The following ROBO2 variants were observed in gnomAD, a reference collection of about 807,000 sequenced individuals.
The protein encoded by ROBO2 is roundabout guidance receptor 2.
Under a neutral mutation model 160.8 loss-of-function variants are expected in ROBO2, and 53 were observed. The observed-to-expected ratio is 0.33, with a 90% confidence interval of 0.26 to 0.41. The LOEUF (loss-of-function observed/expected upper bound fraction) is 0.41, where lower values mean the gene tolerates loss of function less well. Among genes scored for constraint, ROBO2 ranks in the 10% least tolerant of loss-of-function variants. The pLI is 1.00. For missense variants in ROBO2, 1,577 were observed against 1,722.4 expected, an observed-to-expected ratio of 0.92 and a Z score of 1.49; for synonymous variants, 664 against 611.7, an observed-to-expected ratio of 1.09 and a Z score of -1.26.
chr3:77,648,727 A>G (rs2095429199), exon 26 of ROBO2: 1 of 152,186 alleles, frequency 6.6e-6, no homozygotes, highest in Non-Finnish European at 1.5e-5. Context: ...AAAAGCTACT[A>G]ATCAGTGTTG....
At chr3:76,868,673 C>T (rs901992613) in intron 2 of ROBO2, among the ~76,000 whole-genome samples, 9 of 151,794 alleles carry the variant, frequency 5.9e-5, no homozygotes, top group Admixed American at 3.3e-4. Flanking sequence ...AGTGGATTAA[C>T]AATAACACAA....
chr3:76,908,338 A>G (rs186778307), intron 2 of ROBO2, among the ~76,000 whole-genome samples: 603 of 152,332 alleles, frequency 4.0e-3, no homozygotes, highest in Non-Finnish European at 6.1e-3. Flanking sequence ...CAGCACACAC[A>G]TTTTGGTACT....
intron 2 of ROBO2, among the ~76,000 whole-genome samples, chr3:76,707,753 A>G (rs1245462643): frequency 6.7e-6 from 1 of 148,552 alleles, no homozygotes; most frequent in Non-Finnish European, 1.5e-5. Context: ...ATATATATAT[A>G]TATATATAAA....
At chr3:76,426,002 TC>T (rs2076207696) in intron 2 of ROBO2, among the ~76,000 whole-genome samples, 1 of 152,184 alleles carries the variant, frequency 6.6e-6, no homozygotes, top group South Asian at 2.1e-4. Flanking sequence ...TTCCTTTAAT[TC>T]TTTTATATAA....
intron 2 of ROBO2, among the ~76,000 whole-genome samples, chr3:77,356,457 T>C (rs2069141707): frequency 6.6e-6 from 1 of 152,156 alleles, no homozygotes; most frequent in South Asian, 2.1e-4. Context: ...AACAGGTTAA[T>C]AGCAGTTCAT....
chr3:76,268,704 T>G (rs1019116796), intron 2 of ROBO2, among the ~76,000 whole-genome samples: 1 of 152,174 alleles, frequency 6.6e-6, no homozygotes, highest in African/African-American at 2.4e-5. Flanking sequence ...AGGTACACAA[T>G]TCAGTCCATA....
At chr3:76,211,797 A>C (rs1402919086) in intron 2 of ROBO2, among the ~76,000 whole-genome samples, 3 of 152,066 alleles carry the variant, frequency 2.0e-5, no homozygotes, top group African/African-American at 7.2e-5. Flanking sequence ...TCAGCTGTTG[A>C]TATAAATTCA....
exon 2 of ROBO2, chr3:77,098,228 C>T: frequency 6.2e-7 from 1 of 1,614,194 alleles, no homozygotes; most frequent in Non-Finnish European, 8.5e-7. Context: ...CCTTATTCTT[C>T]TTGCGCATCG....
chr3:77,192,746 A>G (rs2150954603), intron 2 of ROBO2, among the ~76,000 whole-genome samples: 1 of 146,748 alleles, frequency 6.8e-6, no homozygotes, highest in African/African-American at 2.6e-5. Context: ...CCTGGGTTCA[A>G]GCAACTCTGG....
At chr3:77,543,322 T>C (rs940612285) in intron 6 of ROBO2, among the ~76,000 whole-genome samples, 2 of 152,230 alleles carry the variant, frequency 1.3e-5, no homozygotes, top group Admixed American at 1.3e-4. Context: ...AACAATTTTA[T>C]TTGGCTTCCC....
At chr3:77,385,318 C>T (rs186588379) in intron 2 of ROBO2, among the ~76,000 whole-genome samples, 1 of 152,084 alleles carries the variant, frequency 6.6e-6, no homozygotes, top group Non-Finnish European at 1.5e-5. Flanking sequence ...CGTGAGCCAC[C>T]GCACCTGGCC....
intron 2 of ROBO2, among the ~76,000 whole-genome samples, chr3:77,474,890 T>C (rs1032083455): frequency 2.6e-5 from 4 of 152,196 alleles, no homozygotes; most frequent in African/African-American, 9.7e-5. Context: ...TATTATTTTA[T>C]TTTACTTTTC....
chr3:77,045,804 C>A (rs184380290), intron 1 of ROBO2, among the ~76,000 whole-genome samples: 134 of 152,326 alleles, frequency 8.8e-4, no homozygotes, highest in Non-Finnish European at 1.5e-3. Context: ...AATCACCACT[C>A]TACTTCTGCC....
chr3:76,253,813 A>G (rs1165301537), intron 2 of ROBO2, among the ~76,000 whole-genome samples: 1 of 151,882 alleles, frequency 6.6e-6, no homozygotes, highest in Non-Finnish European at 1.5e-5. Flanking sequence ...TTGGTGTGAA[A>G]GACTACAAAT....
At chr3:76,417,602 T>C (rs972425092) in intron 2 of ROBO2, among the ~76,000 whole-genome samples, 2 of 152,096 alleles carry the variant, frequency 1.3e-5, no homozygotes, top group Non-Finnish European at 2.9e-5. Context: ...ATTCAAATAA[T>C]TGGGGAAAGA....
chr3:76,436,626 C>G (rs556293542), intron 2 of ROBO2, among the ~76,000 whole-genome samples: 1 of 151,910 alleles, frequency 6.6e-6, no homozygotes, highest in South Asian at 2.1e-4. Context: ...GGAAATAAAC[C>G]TTGATGTGCT....
intron 6 of ROBO2, among the ~76,000 whole-genome samples, chr3:77,523,311 A>G (rs2090805133): frequency 6.6e-6 from 1 of 151,428 alleles, no homozygotes; most frequent in East Asian, 1.9e-4. Flanking sequence ...TACTGTTTTG[A>G]AGTCCTTTTT....
chr3:77,512,660 G>A (rs1582604336), intron 5 of ROBO2, among the ~76,000 whole-genome samples: 1 of 151,928 alleles, frequency 6.6e-6, no homozygotes, highest in South Asian at 2.1e-4. Context: ...TTCATAGAAA[G>A]CTCCATAGTG....
At chr3:76,902,252 C>T (rs934900277) in intron 2 of ROBO2, among the ~76,000 whole-genome samples, 19 of 151,786 alleles carry the variant, frequency 1.3e-4, no homozygotes, top group Non-Finnish European at 1.9e-4. Flanking sequence ...CATTATTCAG[C>T]GTTTTATACT....
Sources: gnomAD v4.1 joint callset for allele counts (sites outside exome capture counted in the v4.1 genomes callset) on GRCh38, gnomAD v4.1.1 for gene constraint, MANE v1.5 for transcripts, NCBI Gene and HGNC (gene_info 2026-07-23, HGNC 2026-07-21) for gene names.